Variants in CAPZB observed in about 807,000 individuals in gnomAD.
CAPZB encodes F-actin-capping protein subunit beta.
In CAPZB, 2 loss-of-function variants were observed where a neutral mutation model predicts 38.1. The ratio of observed to expected loss-of-function variants is 0.05; its 90% CI spans 0.02 to 0.17. The LOEUF (loss-of-function observed/expected upper bound fraction) is 0.17, where lower values mean the gene tolerates loss of function less well. Among genes scored for constraint, CAPZB ranks in the 10% least tolerant of loss-of-function variants. The pLI, the probability that CAPZB is intolerant of heterozygous loss-of-function variation, is 1.00. For missense variants in CAPZB, 161 were observed against 334.2 expected, an observed-to-expected ratio of 0.48 and a Z score of 4.04; for synonymous variants, 107 against 127.4, an observed-to-expected ratio of 0.84 and a Z score of 1.08.
At chr1:19,372,852 T>C (rs884075) in intron 4 of CAPZB, among the ~76,000 whole-genome samples, 18,361 of 152,004 alleles carry the variant, frequency 0.12, 2,445 homozygotes, top group African/African-American at 0.33. Context: ...AAAACCATCT[T>C]GGGGCTTGGT....
At chr1:19,427,519 T>C (rs534009578) in intron 1 of CAPZB, among the ~76,000 whole-genome samples, 8 of 152,352 alleles carry the variant, frequency 5.3e-5, no homozygotes, top group African/African-American at 1.9e-4. Context: ...GTCGAATCTG[T>C]TTTCTGCCAT....
rs2094026353 is a variant in CAPZB at position 19,357,210 on chromosome 1, G to A, written c.471+212C>T. ...AAAAATCTCAACTGGTTTTTAAAGGGACATTTGTAATTATGTATTTCTTCT... is the reference window on the plus strand; with the variant it reads ...AAAAATCTCAACTGGTTTTTAAAGGAACATTTGTAATTATGTATTTCTTCT... On this transcript the variant is annotated intron_variant, in intron 5 of 8. Transcript: ENST00000264202. This position sits in a 1 kb window ranked among gnomAD's most constrained non-coding sequence, Gnocchi z 4.3. Among the ~76,000 whole-genome samples, 1 of 152,156 alleles carries A rather than the reference G, an allele frequency of 6.6e-6. No individual in the cohort carries two copies. Among genetic ancestry groups the A allele is most frequent in the Non-Finnish European group, 1.5e-5 (1 of 68,040 alleles).
chr1:19,435,009 C>T (rs368329776), intron 1 of CAPZB, among the ~76,000 whole-genome samples: 1 of 72,592 alleles, frequency 1.4e-5, no homozygotes, highest in Non-Finnish European at 3.0e-5. Flanking sequence ...AAAAAAAAAA[C>T]ACACTCATTA....
chr1:19,431,898 G>A (rs1400175748), intron 1 of CAPZB, among the ~76,000 whole-genome samples: 10 of 150,900 alleles, frequency 6.6e-5, no homozygotes, highest in South Asian at 6.3e-4. Flanking sequence ...GAAACACAGC[G>A]AGACCCCGTC....
intron 4 of CAPZB, among the ~76,000 whole-genome samples, chr1:19,370,031 T>C (rs2094111600): frequency 6.6e-6 from 1 of 152,164 alleles, no homozygotes; most frequent in Admixed American, 6.5e-5. Context: ...AGGAACTTCT[T>C]TGGATGCACA....
At chr1:19,387,113 G>T (rs930641730) in intron 2 of CAPZB, among the ~76,000 whole-genome samples, 2 of 151,628 alleles carry the variant, frequency 1.3e-5, no homozygotes, top group Non-Finnish European at 2.9e-5. Context: ...AAGCTCACAC[G>T]CATTCTGCAA....
chr1:19,445,795 G>A (rs997327112), intron 1 of CAPZB, among the ~76,000 whole-genome samples: 2 of 152,172 alleles, frequency 1.3e-5, no homozygotes, highest in African/African-American at 4.8e-5. Context: ...GCACAACTCT[G>A]TAAATTTCCT....
chr1:19,390,721 A>G (rs4912083), intron 2 of CAPZB, among the ~76,000 whole-genome samples: 97,319 of 151,938 alleles, frequency 0.64, 31,399 homozygotes, highest in African/African-American at 0.71. Flanking sequence ...AGGGCAGGGA[A>G]AAGAAAAAAC....
intron 2 of CAPZB, among the ~76,000 whole-genome samples, chr1:19,412,469 A>G (rs1278799983): frequency 1.3e-5 from 2 of 152,142 alleles, no homozygotes; most frequent in East Asian, 3.8e-4. Flanking sequence ...TTTTCTTACG[A>G]GATGGGGTCT....
intron 8 of CAPZB, among the ~76,000 whole-genome samples, chr1:19,340,433 A>G (rs1361358785): frequency 6.6e-6 from 1 of 152,254 alleles, no homozygotes; most frequent in Non-Finnish European, 1.5e-5. Flanking sequence ...GACGCTCATC[A>G]ACAAAGCCAG....
At chr1:19,444,733 C>T (rs2094490532) in intron 1 of CAPZB, among the ~76,000 whole-genome samples, 1 of 152,100 alleles carries the variant, frequency 6.6e-6, no homozygotes, top group Non-Finnish European at 1.5e-5. Flanking sequence ...GGGAAGAAAA[C>T]AAATTTTTGT....
At chr1:19,480,352 C>T (rs1438628750) in intron 1 of CAPZB, among the ~76,000 whole-genome samples, 2 of 152,198 alleles carry the variant, frequency 1.3e-5, no homozygotes, top group African/African-American at 4.8e-5. Flanking sequence ...CCTCATGCGA[C>T]GGAACAGGAA....
intron 1 of CAPZB, among the ~76,000 whole-genome samples, chr1:19,462,319 G>A (rs564702397): frequency 3.2e-4 from 49 of 152,034 alleles, no homozygotes; most frequent in East Asian, 1.4e-3. Context: ...TTAGCCAGGC[G>A]TGGTGGCGGG....
intron 3 of CAPZB, among the ~76,000 whole-genome samples, chr1:19,383,222 G>T (rs1157816976): frequency 6.6e-6 from 1 of 152,086 alleles, no homozygotes; most frequent in Admixed American, 6.5e-5. Context: ...AAGGCAGGAG[G>T]ATCATTTGAG....
At chr1:19,435,060 G>A (rs72653926) in intron 1 of CAPZB, among the ~76,000 whole-genome samples, 42,510 of 141,510 alleles carry the variant, frequency 0.3, 6,761 homozygotes, top group Middle Eastern at 0.41. Flanking sequence ...TCTCACTTAT[G>A]TAAGTTAACA....
rs2094321813 is a variant in CAPZB, at chr1:19,404,628, C to T, written c.93+15033G>A. 2.0e-5 allele frequency among the ~76,000 whole-genome samples: 3 copies of T among 152,002 alleles called. No homozygotes were observed. The South Asian group carries it at 6.2e-4, about 32-fold the overall frequency. On this transcript the variant is annotated intron_variant, in intron 2 of 8. Coordinates refer to ENST00000264202, the MANE Select transcript of CAPZB (RefSeq NM_004930.5). ...CTGAGCTCACCTCACAGTCCCTCTCCCACCTGGAAGAAGGCAGGACATTTC... is the reference window on the plus strand; with the variant it reads ...CTGAGCTCACCTCACAGTCCCTCTCTCACCTGGAAGAAGGCAGGACATTTC...
intron 1 of CAPZB, among the ~76,000 whole-genome samples, chr1:19,452,120 G>T (rs879907746): frequency 2.0e-5 from 3 of 151,640 alleles, no homozygotes; most frequent in Admixed American, 6.6e-5. Flanking sequence ...CCCACCCCCT[G>T]CAGTCCTCTT....
rs1420003577 is a variant in CAPZB at position 19,416,627 on chromosome 1, G to A, written c.93+3034C>T. 7.2e-5 allele frequency among the ~76,000 whole-genome samples: 11 copies of A among 152,138 alleles called. No homozygotes were observed. The South Asian group carries it at 2.3e-3, about 32-fold the overall frequency. ...GACAAAGTTAAAAACAGAAAAGTAG[G>A]ATTGCCTGAGGTCAGCAGTTCGAGA... is the stretch of plus-strand genomic sequence containing the variant. On this transcript the variant is annotated intron_variant, in intron 2 of 8. Transcript: ENST00000264202.
chr1:19,475,573 G>T (rs10157298), intron 1 of CAPZB, among the ~76,000 whole-genome samples: 1 of 152,154 alleles, frequency 6.6e-6, no homozygotes. Context: ...GGCAGACCCC[G>T]CTCGGCTCCT....
Sources: allele counts gnomAD v4.1 joint callset (sites outside exome capture counted in the v4.1 genomes callset), GRCh38; gene constraint gnomAD v4.1.1; non-coding constraint Gnocchi (gnomAD v3.1); transcripts MANE v1.5; gene names NCBI Gene and HGNC (gene_info 2026-07-23, HGNC 2026-07-21).